The following CLVS1 variants were observed in gnomAD, a reference collection of about 807,000 sequenced individuals.
CLVS1 encodes clavesin 1.
A neutral mutation model predicts 33.1 loss-of-function variants in CLVS1; 10 were observed. The observed-to-expected ratio is 0.30, with a 90% confidence interval of 0.19 to 0.51. The LOEUF (loss-of-function observed/expected upper bound fraction) is 0.51, where lower values mean the gene tolerates loss of function less well. Among genes scored for constraint, CLVS1 ranks in the 20% least tolerant of loss-of-function variants. The probability of loss-of-function intolerance (pLI) is 0.97; values close to 1 mark genes in which losing one functional copy is unlikely to be tolerated. For synonymous variants in CLVS1, 163 were observed against 166.1 expected (o/e 0.98, Z 0.14); for missense variants, 343 against 433.4 (o/e 0.79, Z 1.85).
At chr8:61,351,444 T>G (rs1369832474) in intron 2 of CLVS1, among the ~76,000 whole-genome samples, 1 of 152,052 alleles carries the variant, frequency 6.6e-6, no homozygotes, top group African/African-American at 2.4e-5. Context: ...CTCAGGCTCC[T>G]GTGGGACAAT....
At chr8:61,492,618 A>G (rs1804133374) in intron 5 of CLVS1, among the ~76,000 whole-genome samples, 1 of 152,236 alleles carries the variant, frequency 6.6e-6, no homozygotes. Context: ...TATAGTACAT[A>G]TAGGCAAGAG....
chr8:61,174,265 C>T (rs767398358), intron 2 of CLVS1, among the ~76,000 whole-genome samples: 1 of 151,990 alleles, frequency 6.6e-6, no homozygotes, highest in Non-Finnish European at 1.5e-5. Flanking sequence ...GTCTGCAAAC[C>T]ACACAGATGT....
At chr8:61,122,664 A>G (rs937607912) in intron 1 of CLVS1, among the ~76,000 whole-genome samples, 2 of 152,024 alleles carry the variant, frequency 1.3e-5, no homozygotes, top group Admixed American at 6.6e-5. Context: ...GAAGTTAATC[A>G]TTTGACTTTT....
At chr8:61,138,636 G>C (rs756362346) in intron 2 of CLVS1, among the ~76,000 whole-genome samples, 1 of 151,702 alleles carries the variant, frequency 6.6e-6, no homozygotes, top group Non-Finnish European at 1.5e-5. Flanking sequence ...GGGTAAGGGT[G>C]GGGGGATAGG....
In CLVS1 at chr8:61,486,613, A is replaced by T. The variant is rs569400026; in HGVS notation, c.978-12842A>T. 6.6e-4 allele frequency among the ~76,000 whole-genome samples: 101 copies of T among 152,300 alleles called. 2 individuals are homozygous for T. The South Asian group carries it at 0.02, about 31-fold the overall frequency. ...TGTAGTGTTGAAAATGGAGGAGTTG[A>T]GGAGGTAAGTGTGGATCAATAGCAG... On this transcript the variant is annotated intron_variant, in intron 5 of 5. Transcript: ENST00000325897.
intron 2 of CLVS1, among the ~76,000 whole-genome samples, chr8:61,358,499 C>T (rs931788779): frequency 6.6e-6 from 1 of 152,206 alleles, no homozygotes; most frequent in Non-Finnish European, 1.5e-5. Context: ...GGGTAAGTCC[C>T]ACATTTGATC....
At chr8:61,044,303 G>T in the CLVS1 span, among the ~76,000 whole-genome samples, 1 of 152,258 alleles carries the variant, frequency 6.6e-6, no homozygotes, top group East Asian at 1.9e-4. Context: ...AATATTTCTT[G>T]ACATGCTATT....
At chr8:60,995,738 A>C in the CLVS1 span, among the ~76,000 whole-genome samples, 1 of 152,256 alleles carries the variant, frequency 6.6e-6, no homozygotes, top group Admixed American at 6.5e-5. Context: ...CATTATTCAC[A>C]ATAGCAAAGA....
chr8:61,147,577 T>C lies in CLVS1; in HGVS notation c.-152+15717T>C, dbSNP rs979130905. On this transcript the variant is annotated intron_variant, in intron 2 of 2. Transcript: ENST00000522621. ...TGTGGGTTTCTTTTCTATCACTTTC[T>C]GCTTTACCCTCTGAAAATGTCTCCA... Among the ~76,000 whole-genome samples, 3 of 152,234 alleles carry C rather than the reference T, an allele frequency of 2.0e-5. No individual in the cohort carries two copies. In the East Asian group the frequency reaches 5.8e-4, roughly 29 times the overall value.
chr8:61,443,017 T>C (rs890042471), intron 3 of CLVS1, among the ~76,000 whole-genome samples: 2 of 152,260 alleles, frequency 1.3e-5, no homozygotes, highest in Non-Finnish European at 2.9e-5. Flanking sequence ...ATGTACTTAT[T>C]TGACATCTTA....
At chr8:61,172,312 G>GA (rs55857860) in intron 2 of CLVS1, among the ~76,000 whole-genome samples, 26,334 of 152,072 alleles carry the variant, frequency 0.17, 2,444 homozygotes, top group Admixed American at 0.25. Flanking sequence ...TTATTTGGGG[G>GA]AAAGGTCCTT....
intron 2 of CLVS1, among the ~76,000 whole-genome samples, chr8:61,354,881 T>C (rs564780295): frequency 2.2e-4 from 33 of 152,318 alleles, no homozygotes; most frequent in African/African-American, 7.9e-4. Context: ...ATCTGTTTAG[T>C]ATCTTGACTG....
intron 1 of CLVS1, among the ~76,000 whole-genome samples, chr8:61,120,165 C>T (rs1409100955): frequency 3.4e-5 from 5 of 145,916 alleles, no homozygotes; most frequent in South Asian, 2.3e-4. Context: ...TTGATCGCAT[C>T]GGCTCCTGAG....
At chr8:61,300,350 T>C in intron 2 of CLVS1, 68 bp downstream of exon 2, 1 of 1,330,704 alleles carries the variant, frequency 7.5e-7, no homozygotes, top group Non-Finnish European at 1.0e-6. Flanking sequence ...TGTTTGGGGT[T>C]GTATGGCTTT....
intron 1 of CLVS1, among the ~76,000 whole-genome samples, chr8:61,089,869 CTG>C (rs1805200301): frequency 6.6e-6 from 1 of 152,182 alleles, no homozygotes; most frequent in South Asian, 2.1e-4. Flanking sequence ...CTCAGGTGAG[CTG>C]ATTTTGCCAC....
intron 2 of CLVS1, among the ~76,000 whole-genome samples, chr8:61,331,323 T>C (rs1210453805): frequency 1.3e-5 from 2 of 152,136 alleles, no homozygotes; most frequent in African/African-American, 2.4e-5. Flanking sequence ...CATATTGCTG[T>C]GTTTGGTCTG....
rs960877646 is a variant in CLVS1 at position 61,230,422 on chromosome 8, A to T, written c.-151-69255A>T. 5.3e-5 allele frequency among the ~76,000 whole-genome samples: 8 copies of T among 152,190 alleles called. 1 individual carries two copies. Among genetic ancestry groups the T allele is most frequent in the Admixed American group, 3.3e-4 (5 of 15,282 alleles). ...CTTCAGTGGTCTCATCTATAAAATG[A>T]TAATGATAAAAGTAGCATATTTTTG... is the stretch of plus-strand genomic sequence containing the variant. On this transcript the variant is annotated intron_variant, in intron 2 of 2. Coordinates refer to the CLVS1 transcript ENST00000522621.
intron 1 of CLVS1, among the ~76,000 whole-genome samples, chr8:61,115,524 C>A (rs959137519): frequency 2.0e-5 from 3 of 151,756 alleles, no homozygotes; most frequent in African/African-American, 7.3e-5. Context: ...TATCCCTCCC[C>A]ACTCCCCCGA....
intron 2 of CLVS1, chr8:61,370,334 C>T (rs969004043): frequency 6.6e-6 from 1 of 151,768 alleles, no homozygotes; most frequent in Admixed American, 6.6e-5. Context: ...AATGTGTACC[C>T]TTTTATTTCT....
Sources: allele counts gnomAD v4.1 joint callset (sites outside exome capture counted in the v4.1 genomes callset), GRCh38; gene constraint gnomAD v4.1.1; transcripts MANE v1.5; gene names NCBI Gene and HGNC (gene_info 2026-07-23, HGNC 2026-07-21).